KLF8: variants seen among roughly 807,000 people sequenced by gnomAD.
KLF8 encodes the protein Krueppel-like factor 8.
A neutral mutation model predicts 18.2 loss-of-function variants in KLF8; 10 were observed. That is an observed-to-expected ratio of 0.55 (90% CI 0.34 to 0.93). The LOEUF (loss-of-function observed/expected upper bound fraction) is 0.93. Among genes scored for constraint, KLF8 ranks in the 40% least tolerant of loss-of-function variants. The probability of loss-of-function intolerance (pLI) is 0.02; values close to 1 mark genes in which losing one functional copy is unlikely to be tolerated. For synonymous variants in KLF8, 109 were observed against 97.3 expected (o/e 1.12, Z -0.71); for missense variants, 264 against 277.9 (o/e 0.95, Z 0.36).
At chrX:55,911,141 G>A in the KLF8 span, among the ~76,000 whole-genome samples, 24 of 111,950 alleles carry the variant, frequency 2.1e-4, no homozygotes, top group African/African-American at 7.5e-4. Flanking sequence ...TTAGAAAATC[G>A]TAAGCAAGAG....
At chrX:56,076,666 T>G in the KLF8 span, among the ~76,000 whole-genome samples, 2 of 111,736 alleles carry the variant, frequency 1.8e-5, no homozygotes, top group African/African-American at 6.5e-5. Flanking sequence ...AGTAATGGGA[T>G]GGCTGGGTCA....
the KLF8 span, among the ~76,000 whole-genome samples, chrX:55,945,963 C>A: frequency 9.0e-6 from 1 of 110,807 alleles, no homozygotes; most frequent in African/African-American, 3.3e-5. Flanking sequence ...GAACTACAAA[C>A]TGCTGCTCAA....
the KLF8 span, among the ~76,000 whole-genome samples, chrX:56,019,618 G>A: frequency 8.9e-6 from 1 of 111,962 alleles, no homozygotes; most frequent in Non-Finnish European, 1.9e-5. Context: ...GCAGAGGTGG[G>A]TACATAAAGT....
the KLF8 span, among the ~76,000 whole-genome samples, chrX:56,170,127 G>C: frequency 1.3e-4 from 15 of 111,338 alleles, no homozygotes; most frequent in East Asian, 4.0e-3. Context: ...CACAGCATTA[G>C]TGGACTTGGG....
intron 5 of KLF8, among the ~76,000 whole-genome samples, chrX:56,279,805 A>C (rs1602471804): frequency 1.8e-5 from 2 of 111,916 alleles, no homozygotes; most frequent in East Asian, 5.6e-4. Context: ...AGAGCTAGAG[A>C]ATTTGCCAAT....
the KLF8 span, among the ~76,000 whole-genome samples, chrX:55,947,413 C>G: frequency 4.8e-5 from 5 of 103,956 alleles, no homozygotes; most frequent in Admixed American, 1.1e-4. Flanking sequence ...CGCATATTCT[C>G]ACTCATAGGT....
Position 56,265,384 on chromosome X carries a change from G to C in KLF8, c.286G>C (p.Ala96Pro), listed in dbSNP as rs2066956144. The C allele has an allele frequency of 8.3e-7, 1 of 1,208,994 alleles. No individual in the cohort carries two copies. Among genetic ancestry groups the C allele is most frequent in the Non-Finnish European group, 1.1e-6 (1 of 894,973 alleles). The change falls in exon 3 of 6, where the codon GCT (alanine) becomes CCT (proline). Residue 96 changes from alanine (A) to proline (P), a missense_variant. This residue lies in a region of KLF8 where 221 missense variants were observed against 193.6 expected (regional missense o/e 1.14). Coordinates refer to ENST00000468660, the MANE Select transcript of KLF8 (RefSeq NM_007250.5). ...TGACCTCTCCTTTCACAAGCCCAAG[G>C]CTCCTCTCCAGCCTGCTAGCATGCT... ...PVDLSFHKPK[A>P]PLQPASMLQA...
At chrX:56,098,687 G>A in the KLF8 span, among the ~76,000 whole-genome samples, 2 of 111,362 alleles carry the variant, frequency 1.8e-5, no homozygotes, top group South Asian at 7.5e-4. Context: ...AGGCAAGAAT[G>A]CCCGCTCTCA....
intron 3 of KLF8, chrX:56,268,542 T>C (rs2067000381): frequency 6.3e-6 from 1 of 159,823 alleles, no homozygotes; most frequent in African/African-American, 3.2e-5. Context: ...TGTTTTCTTA[T>C]AATGTATACA....
the KLF8 span, among the ~76,000 whole-genome samples, chrX:56,194,013 A>T: frequency 3.6e-5 from 4 of 112,095 alleles, no homozygotes; most frequent in Non-Finnish European, 7.5e-5. Context: ...TTTATGCTGT[A>T]GATAGCTTAT....
At chrX:56,099,652 G>T in the KLF8 span, among the ~76,000 whole-genome samples, 1 of 111,725 alleles carries the variant, frequency 9.0e-6, no homozygotes, top group Non-Finnish European at 1.9e-5. Context: ...ACACCAACAC[G>T]AATGCAAAAC....
chrX:56,002,451 GTGTT>G, the KLF8 span, among the ~76,000 whole-genome samples: 2 of 107,119 alleles, frequency 1.9e-5, no homozygotes, highest in Admixed American at 2.0e-4. Flanking sequence ...GTGTGTGTGT[GTGTT>G]TAAGTGTCTA....
chrX:55,937,066 A>G, the KLF8 span, among the ~76,000 whole-genome samples: 1 of 111,653 alleles, frequency 9.0e-6, no homozygotes, highest in South Asian at 3.7e-4. Context: ...GAGAACGGGC[A>G]GACTGCCTCC....
the KLF8 span, among the ~76,000 whole-genome samples, chrX:56,138,171 G>A: frequency 9.2e-6 from 1 of 109,021 alleles, no homozygotes; most frequent in Non-Finnish European, 1.9e-5. Context: ...AAAAAGCTTT[G>A]AAATTAATCA....
At chrX:56,214,637 A>C in the KLF8 span, among the ~76,000 whole-genome samples, 1 of 112,559 alleles carries the variant, frequency 8.9e-6, no homozygotes, top group African/African-American at 3.2e-5. Flanking sequence ...AATAAATATA[A>C]GAAGAAGATG....
chrX:56,175,752 T>G, the KLF8 span, among the ~76,000 whole-genome samples: 17 of 111,510 alleles, frequency 1.5e-4, no homozygotes, highest in African/African-American at 5.5e-4. Context: ...TGTAGGTCTC[T>G]AAGGAGTTGC....
At chrX:56,040,668 C>A in the KLF8 span, among the ~76,000 whole-genome samples, 1 of 109,135 alleles carries the variant, frequency 9.2e-6, no homozygotes, top group African/African-American at 3.3e-5. Context: ...AGAATATTGA[C>A]CTGAAGTTTT....
the KLF8 span, among the ~76,000 whole-genome samples, chrX:56,015,879 G>A: frequency 9.0e-6 from 1 of 111,610 alleles, no homozygotes; most frequent in African/African-American, 3.3e-5. Context: ...AAATATTTTG[G>A]GAACAGTGGA....
the KLF8 span, among the ~76,000 whole-genome samples, chrX:56,044,759 G>A: frequency 8.9e-6 from 1 of 112,191 alleles, no homozygotes; most frequent in African/African-American, 3.2e-5. Flanking sequence ...CATTGCCATT[G>A]GCTGGATGGG....
Sources: gnomAD v4.1 joint callset for allele counts (sites outside exome capture counted in the v4.1 genomes callset) on GRCh38, gnomAD v4.1.1 for gene constraint, gnomAD v4.1.1 regional missense constraint, MANE v1.5 for transcripts, NCBI Gene and HGNC (gene_info 2026-07-23, HGNC 2026-07-21) for gene names.